CACNA2D4: variants seen among roughly 807,000 people sequenced by gnomAD.
CACNA2D4 encodes the protein voltage-dependent calcium channel subunit alpha-2/delta-4.
A neutral mutation model predicts 163.8 loss-of-function variants in CACNA2D4; 157 were observed. The observed-to-expected ratio is 0.96, with a 90% CI of 0.84 to 1.09. The LOEUF (loss-of-function observed/expected upper bound fraction) is 1.09, where lower values mean the gene tolerates loss of function less well. CACNA2D4 is among the 50% of genes least tolerant of loss of function. CACNA2D4 has a pLI of 0.00. For missense variants in CACNA2D4, 1,410 were observed against 1,479.9 expected, an observed-to-expected ratio of 0.95 and a Z score of 0.78; for synonymous variants, 598 against 586.9, an observed-to-expected ratio of 1.02 and a Z score of -0.27.
At chr12:1,870,211 G>C (rs950362105) in intron 18 of CACNA2D4, among the ~76,000 whole-genome samples, 1 of 152,156 alleles carries the variant, frequency 6.6e-6, no homozygotes, top group Non-Finnish European at 1.5e-5. Flanking sequence ...ACGTGCAAAA[G>C]CTGAGATCCC....
chr12:1,810,380 C>T lies in CACNA2D4; in HGVS notation c.2659-40G>A, dbSNP rs371104619. The T allele has an allele frequency of 3.3e-5, 52 of 1,589,530 alleles. No individual in the cohort carries two copies. In the East Asian group the frequency reaches 4.5e-4, roughly 14 times the overall value. The stretch of plus-strand genomic sequence containing the variant: ...AGAAGGGAGGTTATGCCAGGGCCCT[C>T]ACCCACCCCGGTCCTCCAGCCTGTC... On this transcript the variant is annotated intron_variant, in intron 28 of 37. Transcript: ENST00000382722.
At chr12:1,903,591 A>G (rs1400482752) in intron 6 of CACNA2D4, among the ~76,000 whole-genome samples, 1 of 152,112 alleles carries the variant, frequency 6.6e-6, no homozygotes, top group Admixed American at 6.6e-5. Context: ...AAGAAGAAAG[A>G]CAAATGGCAA....
In CACNA2D4 at chr12:1,857,841, G is replaced by T. The variant is rs527892014; in HGVS notation, c.2008+736C>A. 1.4e-4 allele frequency among the ~76,000 whole-genome samples: 21 copies of T among 152,314 alleles called. No individual in the cohort carries two copies. In the South Asian group the frequency reaches 4.4e-3, roughly 32 times the overall value. ...GAATGTGACCTTCTTTGGAAATAGG[G>T]TCTTGGCAGAAGTAATCAAATTAAG... On this transcript the variant is annotated intron_variant, in intron 20 of 37. Transcript: ENST00000382722.
At chr12:1,842,448 T>G (rs74059399) in intron 25 of CACNA2D4, among the ~76,000 whole-genome samples, 2,897 of 152,272 alleles carry the variant, frequency 0.019, 85 homozygotes, top group African/African-American at 0.06. Context: ...TTCCTTCTTT[T>G]GGGGTGGAAG....
intron 6 of CACNA2D4, among the ~76,000 whole-genome samples, chr12:1,898,462 G>A (rs1169874031): frequency 3.9e-5 from 6 of 151,996 alleles, no homozygotes; most frequent in Non-Finnish European, 7.4e-5. Flanking sequence ...TGGCCAATAA[G>A]CACATGAAAA....
chr12:1,891,485 A>G (rs1398473000), intron 6 of CACNA2D4, among the ~76,000 whole-genome samples: 1 of 152,242 alleles, frequency 6.6e-6, no homozygotes, highest in East Asian at 1.9e-4. Context: ...CTATTACACC[A>G]GATGCACAGA....
At chr12:1,807,130 G>T (rs890508512) in intron 29 of CACNA2D4, among the ~76,000 whole-genome samples, 2 of 151,930 alleles carry the variant, frequency 1.3e-5, no homozygotes, top group Non-Finnish European at 2.9e-5. Context: ...CTGACATCAG[G>T]TTTCAAAAGA....
intron 29 of CACNA2D4, among the ~76,000 whole-genome samples, chr12:1,804,844 C>T: frequency 6.6e-6 from 1 of 152,244 alleles, no homozygotes; most frequent in East Asian, 1.9e-4. Context: ...AGGCTGCCTT[C>T]ATCCATTCTT....
intron 18 of CACNA2D4, among the ~76,000 whole-genome samples, chr12:1,860,993 C>T (rs1865513472): frequency 6.6e-6 from 1 of 152,214 alleles, no homozygotes; most frequent in Admixed American, 6.5e-5. Context: ...GCCTCTCTTG[C>T]ACGAGGCTGC....
Position 1,883,104 on chromosome 12 carries a change from C to T in CACNA2D4, c.1352-104G>A. Reference sequence around the variant, plus strand: ...GCTGCAGATGGCTCATAGCCGAATACTCTCTGGAAACTGGACCGGGGCACA... The same window carrying T: ...GCTGCAGATGGCTCATAGCCGAATATTCTCTGGAAACTGGACCGGGGCACA... On this transcript the variant is annotated intron_variant, in intron 12 of 37. Transcript: ENST00000382722. This position sits in a 1 kb window ranked among gnomAD's most constrained non-coding sequence, Gnocchi z 4.5. 7.7e-7 allele frequency: 1 copy of T among 1,301,702 alleles called. No homozygotes were observed. The highest frequency in any genetic ancestry group is 1.4e-5 in the South Asian group (1 of 69,580). The allele number at this position is 1,301,702 out of a possible 1,614,324, so 80.6% of individuals were successfully genotyped here.
intron 6 of CACNA2D4, among the ~76,000 whole-genome samples, chr12:1,896,391 A>G (rs1341948137): frequency 6.6e-6 from 1 of 152,204 alleles, no homozygotes; most frequent in Non-Finnish European, 1.5e-5. Context: ...CAACAGTAAA[A>G]ACAAAACAAA....
rs374475309 is a variant in CACNA2D4 at position 1,860,140 on chromosome 12, C to T, written c.1940+5G>A. 7 of 1,611,810 alleles carry T rather than the reference C, an allele frequency of 4.3e-6. No homozygotes were observed. Among genetic ancestry groups the T allele is most frequent in the Middle Eastern group, 1.7e-4 (1 of 6,060 alleles). ...CCCCGTGCAAATAAAGCCTGTGTCC[C>T]TCACCTGAAAGGGGTGTCGCTGATG... On this transcript the variant is annotated splice_donor_5th_base_variant and intron_variant, in intron 19 of 37. Transcript: ENST00000382722.
rs75670578 is a variant in CACNA2D4 at position 1,826,527 on chromosome 12, C to A, written c.2551+14212G>T. Among the ~76,000 whole-genome samples the A allele has an allele frequency of 3.1e-4, 47 of 149,994 alleles. No individual in the cohort carries two copies. In the East Asian group the frequency reaches 8.6e-3, roughly 28 times the overall value. ...CACCCCTCATGCCAGGGACGTGGGT[C>A]CTCCTGAAGGCTGCATGGGCACCTG... is the stretch of plus-strand genomic sequence containing the variant. On this transcript the variant is annotated intron_variant, in intron 26 of 37. Transcript: ENST00000382722.
At chr12:1,884,408 G>T in intron 11 of CACNA2D4, 87 bp from the exon 12 acceptor site, 2 of 1,056,354 alleles carry the variant, frequency 1.9e-6, no homozygotes, top group Non-Finnish European at 2.9e-6. Flanking sequence ...TTAGATGTTG[G>T]CCCCAGTGCC....
rs1360165980 is a variant in CACNA2D4 at position 1,834,376 on chromosome 12, G to A, written c.2551+6363C>T. 1 of 1,613,204 alleles carries A rather than the reference G, an allele frequency of 6.2e-7. No homozygotes were observed. The highest frequency in any genetic ancestry group is 1.7e-5 in the Admixed American group (1 of 60,022). On this transcript the variant is annotated intron_variant, in intron 26 of 37. Transcript: ENST00000382722. The surrounding 1 kb of genome is among the most constrained non-coding windows in gnomAD (Gnocchi z 7.6). ...ACTACTGCTCCCAGCTGGAGGACGA[G>A]AATAGCTCAGCTGGGCTGGATATTC...
At chr12:1,884,497 G>A (rs1430305218) in intron 11 of CACNA2D4, among the ~76,000 whole-genome samples, 176 bp from the exon 12 acceptor site, 1 of 152,154 alleles carries the variant, frequency 6.6e-6, no homozygotes, top group Non-Finnish European at 1.5e-5. Context: ...TGGGGACTGC[G>A]GGTAGGTGCA....
chr12:1,810,319 C>CATTCTG lies in CACNA2D4; in HGVS notation c.2679_2680insCAGAAT (p.Ile893_Asp894insGlnAsn). 6.2e-7 allele frequency: 1 copy of CATTCTG among 1,613,888 alleles called. No homozygotes were observed. The highest frequency in any genetic ancestry group is 1.6e-4 in the Middle Eastern group (1 of 6,062). ...GAGATCAGAATGAACCCGTTGTTGT[C>CATTCTG]GATGACGAAGCAGTCCAGATCCTGG... On this transcript the variant is annotated inframe_insertion, in exon 29 of 38. Coordinates refer to ENST00000382722, the MANE Select transcript of CACNA2D4 (RefSeq NM_172364.5).
chr12:1,867,552 A>G (rs1351515564), intron 18 of CACNA2D4, among the ~76,000 whole-genome samples: 1 of 152,226 alleles, frequency 6.6e-6, no homozygotes, highest in Non-Finnish European at 1.5e-5. Context: ...ATTTGGAAGC[A>G]TAAGAAACAA....
chr12:1,802,645 G>A lies in CACNA2D4; in HGVS notation c.2722-1001C>T, dbSNP rs761580827. Among the ~76,000 whole-genome samples the A allele has an allele frequency of 3.3e-5, 5 of 152,212 alleles. No individual in the cohort carries two copies. The East Asian group carries it at 7.7e-4, about 23-fold the overall frequency. On this transcript the variant is annotated intron_variant, in intron 29 of 37. Transcript: ENST00000382722. This position sits in a 1 kb window ranked among gnomAD's most constrained non-coding sequence, Gnocchi z 4.7. ...GCTGTCTTTAAAAATTGGGGATAGC[G>A]TGTGTCCGGCGTGTGGCTCCCAGTA...
Sources: gnomAD v4.1 joint callset for allele counts (sites outside exome capture counted in the v4.1 genomes callset) on GRCh38, gnomAD v4.1.1 for gene constraint, Gnocchi (gnomAD v3.1) non-coding constraint, MANE v1.5 for transcripts, NCBI Gene and HGNC (gene_info 2026-07-23, HGNC 2026-07-21) for gene names.